Variants in RASGRF2 observed in about 807,000 individuals in gnomAD.
RASGRF2 encodes Ras protein specific guanine nucleotide releasing factor 2.
Under a neutral mutation model 151.0 loss-of-function variants are expected in RASGRF2, and 76 were observed. The ratio of observed to expected loss-of-function variants is 0.50; its 90% CI spans 0.42 to 0.61. The LOEUF (loss-of-function observed/expected upper bound fraction) is 0.61, where lower values mean the gene tolerates loss of function less well. Ranked by LOEUF, RASGRF2 falls within the 20% of genes least tolerant of loss-of-function variation. RASGRF2 has a pLI of 0.00. For missense variants in RASGRF2, 1,148 were observed against 1,564.6 expected, an observed-to-expected ratio of 0.73 and a Z score of 4.49; for synonymous variants, 504 against 566.5, an observed-to-expected ratio of 0.89 and a Z score of 1.57.
Position 81,199,873 on chromosome 5 carries a change from G to C in RASGRF2, c.2794-1457G>C, listed in dbSNP as rs183646152. 1.3e-4 allele frequency among the ~76,000 whole-genome samples: 20 copies of C among 148,358 alleles called. No homozygotes were observed. In the South Asian group the frequency reaches 4.4e-3, roughly 32 times the overall value. On this transcript the variant is annotated intron_variant, in intron 18 of 26. Transcript: ENST00000265080. ...AGATCACGTCACTGCACTCCAGCCC[G>C]GGTGACAGAGTGAGACTCCATCTCA...
intron 26 of RASGRF2, among the ~76,000 whole-genome samples, chr5:81,220,038 G>A (rs1422211881): frequency 6.6e-6 from 1 of 151,802 alleles, no homozygotes; most frequent in African/African-American, 2.4e-5. Context: ...CTTGGTCCAA[G>A]CTGCCGATAT....
intron 12 of RASGRF2, among the ~76,000 whole-genome samples, chr5:81,106,164 C>A (rs1424171090): frequency 1.3e-5 from 2 of 152,158 alleles, no homozygotes; most frequent in Admixed American, 6.5e-5. Context: ...ATATTTGCAT[C>A]AGAAAATTTA....
chr5:81,174,313 T>C (rs1754724484), intron 17 of RASGRF2, among the ~76,000 whole-genome samples: 1 of 152,204 alleles, frequency 6.6e-6, no homozygotes, highest in Non-Finnish European at 1.5e-5. Context: ...TGGACATGTC[T>C]AATAGGAAGT....
chr5:81,002,793 G>T (rs1749120143), intron 1 of RASGRF2, among the ~76,000 whole-genome samples: 2 of 152,124 alleles, frequency 1.3e-5, no homozygotes, highest in Admixed American at 6.5e-5. Context: ...TGATAATAGG[G>T]TTATTTTCCC....
intron 4 of RASGRF2, among the ~76,000 whole-genome samples, chr5:81,072,455 GATA>G (rs921584007): frequency 5.3e-5 from 8 of 152,268 alleles, no homozygotes; most frequent in African/African-American, 1.9e-4. Context: ...GTGTTAAATA[GATA>G]ATAATGATAC....
At chr5:81,076,109 G>T (rs1034709848) in intron 5 of RASGRF2, among the ~76,000 whole-genome samples, 2 of 152,172 alleles carry the variant, frequency 1.3e-5, no homozygotes, top group African/African-American at 2.4e-5. Flanking sequence ...TTAACAACTC[G>T]GAGTTTAATG....
At chr5:81,091,426 A>G (rs1449540836) in intron 9 of RASGRF2, among the ~76,000 whole-genome samples, 1 of 151,888 alleles carries the variant, frequency 6.6e-6, no homozygotes, top group Non-Finnish European at 1.5e-5. Context: ...TTGTTCCCCA[A>G]TCCCACACCC....
intron 18 of RASGRF2, among the ~76,000 whole-genome samples, chr5:81,193,865 A>G (rs762556211): frequency 6.6e-6 from 1 of 152,218 alleles, no homozygotes; most frequent in Non-Finnish European, 1.5e-5. Context: ...AAAGCAGTTT[A>G]AAAACTCAGG....
Position 81,183,319 on chromosome 5 carries a change from G to T in RASGRF2, c.2793+3038G>T. 5.1e-6 allele frequency: 5 copies of T among 981,758 alleles called. No homozygotes were observed. In the South Asian group the frequency reaches 1.9e-4, roughly 37 times the overall value. 60.8% of individuals were successfully genotyped at this position (981,758 alleles called of 1,614,324 possible). On this transcript the variant is annotated intron_variant, in intron 18 of 26. Transcript: ENST00000265080. ...TAATTATTTCTCACTTCTCATCAAAGGTAACTAACATTGGCAGATACTACC... is the reference window on the plus strand; with the variant it reads ...TAATTATTTCTCACTTCTCATCAAATGTAACTAACATTGGCAGATACTACC...
intron 26 of RASGRF2, among the ~76,000 whole-genome samples, chr5:81,220,148 C>T (rs1029138855): frequency 6.6e-6 from 1 of 152,118 alleles, no homozygotes; most frequent in African/African-American, 2.4e-5. Flanking sequence ...ATTATTTTCT[C>T]CCTTACATAA....
chr5:81,078,860 G>A (rs1333613039), intron 5 of RASGRF2, among the ~76,000 whole-genome samples: 1 of 152,222 alleles, frequency 6.6e-6, no homozygotes, highest in Non-Finnish European at 1.5e-5. Flanking sequence ...GGGGAGTAAA[G>A]TCAGGGAGCA....
At chr5:80,967,866 A>G (rs1429900368) in intron 1 of RASGRF2, among the ~76,000 whole-genome samples, 1 of 152,258 alleles carries the variant, frequency 6.6e-6, no homozygotes, top group Non-Finnish European at 1.5e-5. Context: ...GGCCACTCAT[A>G]TTAATATGAA....
chr5:80,995,086 C>T (rs571139194), intron 1 of RASGRF2, among the ~76,000 whole-genome samples: 5 of 152,032 alleles, frequency 3.3e-5, no homozygotes, highest in Non-Finnish European at 7.4e-5. Context: ...GAAACCCCGT[C>T]TCTACTGAAA....
chr5:81,223,086 C>T (rs780961795), intron 26 of RASGRF2, among the ~76,000 whole-genome samples: 9 of 152,060 alleles, frequency 5.9e-5, no homozygotes, highest in African/African-American at 1.7e-4. Flanking sequence ...TACTGAAGTA[C>T]GTAAGGAGAA....
chr5:81,222,278 A>T (rs190256867), intron 26 of RASGRF2, among the ~76,000 whole-genome samples: 2 of 152,276 alleles, frequency 1.3e-5, no homozygotes, highest in East Asian at 3.9e-4. Context: ...TTCTATTACC[A>T]TGTGAATCAT....
rs552558523 is a variant in RASGRF2 at position 81,134,556 on chromosome 5, G to C, written c.2686+7393G>C. ...TCTCGGGCCACACATCATTCCTACT[G>C]AATCAGCATTTCTGAGGATGGGGCA... On this transcript the variant is annotated intron_variant, in intron 17 of 26. Transcript: ENST00000265080. Among the ~76,000 whole-genome samples the C allele has an allele frequency of 7.9e-5, 12 of 152,246 alleles. No individual in the cohort carries two copies. In the East Asian group the frequency reaches 2.1e-3, roughly 27 times the overall value.
chr5:81,213,236 G>A (rs1465791025), intron 23 of RASGRF2, among the ~76,000 whole-genome samples: 2 of 152,152 alleles, frequency 1.3e-5, no homozygotes, highest in Non-Finnish European at 2.9e-5. Context: ...ATTGGGTACA[G>A]GCTGCTGTGA....
At position 81,108,977 on chromosome 5, in the gene RASGRF2, T is replaced by C. The variant is rs111444879; in HGVS notation, c.1756-19T>C. On this transcript the variant is annotated intron_variant, in intron 12 of 26. Coordinates refer to ENST00000265080, the MANE Select transcript of RASGRF2 (RefSeq NM_006909.3). ...TAGGCTTTCATGTGGGTTGTAATTGTCAACTTTTTATTTCACAGTGTGTGG... is the reference window on the plus strand; with the variant it reads ...TAGGCTTTCATGTGGGTTGTAATTGCCAACTTTTTATTTCACAGTGTGTGG... 5 of 1,594,486 alleles carry C rather than the reference T, an allele frequency of 3.1e-6. No homozygotes were observed. Among genetic ancestry groups the C allele is most frequent in the Non-Finnish European group, 3.4e-6 (4 of 1,166,526 alleles).
At chr5:81,083,315 C>T (rs1752139526) in intron 7 of RASGRF2, among the ~76,000 whole-genome samples, 1 of 151,138 alleles carries the variant, frequency 6.6e-6, no homozygotes, top group Non-Finnish European at 1.5e-5. Context: ...AAGAGGTGAC[C>T]CTAGTTTATA....
Sources: gnomAD v4.1 joint callset for allele counts (sites outside exome capture counted in the v4.1 genomes callset) on GRCh38, gnomAD v4.1.1 for gene constraint, MANE v1.5 for transcripts, NCBI Gene and HGNC (gene_info 2026-07-23, HGNC 2026-07-21) for gene names.